The following PCNX2 variants were observed in gnomAD, a reference collection of about 807,000 sequenced individuals.
PCNX2 encodes pecanex-like protein 2.
A neutral mutation model predicts 223.8 loss-of-function variants in PCNX2; 168 were observed. The observed-to-expected ratio is 0.75, with a 90% CI of 0.66 to 0.85. The LOEUF (loss-of-function observed/expected upper bound fraction) is 0.85, where lower values mean the gene tolerates loss of function less well. Ranked by LOEUF, PCNX2 falls within the 40% of genes least tolerant of loss-of-function variation. The probability of loss-of-function intolerance (pLI) is 0.00; values close to 1 mark genes in which losing one functional copy is unlikely to be tolerated. For synonymous variants in PCNX2, 1,006 were observed against 1,052.6 expected, an observed-to-expected ratio of 0.96 and a Z score of 0.86; for missense variants, 2,507 against 2,675.5, an observed-to-expected ratio of 0.94 and a Z score of 1.39.
At chr1:233,112,951 G>A in intron 21 of PCNX2, 1 of 1,289,330 alleles carries the variant, frequency 7.8e-7, no homozygotes, top group Non-Finnish European at 1.0e-6. Context: ...CATCCTCTTT[G>A]TGTGTGGGTG....
intron 1 of PCNX2, among the ~76,000 whole-genome samples, chr1:233,285,995 G>A (rs1246485018): frequency 6.6e-6 from 1 of 152,172 alleles, no homozygotes; most frequent in Admixed American, 6.5e-5. Flanking sequence ...CATTTTTAAT[G>A]AAAGTGTTGA....
In PCNX2 at chr1:233,252,808, T is replaced by C; in HGVS notation, c.1835-20A>G. On this transcript the variant is annotated intron_variant, in intron 5 of 33. Coordinates refer to ENST00000258229, the MANE Select transcript of PCNX2 (RefSeq NM_014801.4). ...AGTTATCTGAAAAACATTGCTTTAC[T>C]TGTTAATTTAATATAAAATAAATCA... The C allele has an allele frequency of 1.3e-6, 2 of 1,564,956 alleles. No individual in the cohort carries two copies. Among genetic ancestry groups the C allele is most frequent in the Non-Finnish European group, 1.7e-6 (2 of 1,159,666 alleles).
chr1:233,208,725 T>A (rs776843531), intron 12 of PCNX2, 36 bp from the exon 13 acceptor site: 5 of 1,572,026 alleles, frequency 3.2e-6, no homozygotes, highest in Non-Finnish European at 3.5e-6. Flanking sequence ...TGGTACCTCT[T>A]ATTTTGATTA....
intron 26 of PCNX2, among the ~76,000 whole-genome samples, chr1:233,024,067 A>G (rs567817176): frequency 1.6e-3 from 236 of 152,198 alleles, no homozygotes; most frequent in African/African-American, 5.4e-3. Flanking sequence ...TATGAACCCC[A>G]TATCTAGCTA....
At chr1:233,247,877 CAAA>C (rs57333423) in intron 8 of PCNX2, among the ~76,000 whole-genome samples, 1 of 119,676 alleles carries the variant, frequency 8.4e-6, no homozygotes. Flanking sequence ...AACTCCGTCT[CAAA>C]AAAAAAAAAA....
intron 19 of PCNX2, among the ~76,000 whole-genome samples, chr1:233,143,501 T>C (rs1460456088): frequency 1.3e-5 from 2 of 152,188 alleles, no homozygotes; most frequent in Middle Eastern, 6.3e-3. Context: ...TAGGAATTTG[T>C]TACAAATGTA....
intron 26 of PCNX2, among the ~76,000 whole-genome samples, chr1:233,022,057 C>G (rs904197662): frequency 5.9e-5 from 9 of 152,182 alleles, no homozygotes; most frequent in African/African-American, 2.2e-4. Context: ...CCTCCCTTCT[C>G]TCCCACTCAC....
Position 233,218,106 on chromosome 1 carries a change from G to C in PCNX2, c.2583C>G (p.Ser861Arg), listed in dbSNP as rs376297148. The C allele has an allele frequency of 1.4e-5, 22 of 1,562,044 alleles. No individual in the cohort carries two copies. The highest frequency in any genetic ancestry group is 1.8e-5 in the Non-Finnish European group (21 of 1,153,780). The change falls in exon 11 of 34, where the codon AGC (serine) becomes AGG (arginine). Residue 861 changes from serine to arginine, a missense_variant. Around this residue, in one of 3 missense-constraint regions of PCNX2, gnomAD observed 104 missense variants for 144.4 expected, o/e 0.72. Coordinates refer to ENST00000258229, the MANE Select transcript of PCNX2 (RefSeq NM_014801.4). ...LVSLLGFLTL[S>R]QGFCKDMWVL... ...CCCACATATCTTTGCAAAAGCCTTG[G>C]CTCAAGGTCAGAAATCCAAGGAGGG...
intron 1 of PCNX2, among the ~76,000 whole-genome samples, chr1:233,275,591 A>G (rs78426439): frequency 2.6e-5 from 4 of 152,242 alleles, no homozygotes; most frequent in African/African-American, 9.6e-5. Flanking sequence ...GTATTTACAC[A>G]AAACAGTGTG....
intron 12 of PCNX2, among the ~76,000 whole-genome samples, chr1:233,211,398 A>T (rs1681809576): frequency 6.6e-6 from 1 of 151,648 alleles, no homozygotes; most frequent in Admixed American, 6.6e-5. Flanking sequence ...TGGCATGATC[A>T]TAGCTCACTG....
At chr1:233,010,245 G>A (rs927217858) in intron 28 of PCNX2, among the ~76,000 whole-genome samples, 2 of 152,304 alleles carry the variant, frequency 1.3e-5, no homozygotes, top group South Asian at 2.1e-4. Flanking sequence ...TCCTCAACAC[G>A]CTGTGGGTGG....
At chr1:233,040,012 C>T (rs537486418) in intron 25 of PCNX2, among the ~76,000 whole-genome samples, 13 of 152,244 alleles carry the variant, frequency 8.5e-5, no homozygotes, top group Middle Eastern at 3.4e-3. Context: ...TGCCGTATCA[C>T]GTATCACAAG....
intron 9 of PCNX2, among the ~76,000 whole-genome samples, chr1:233,235,122 A>T (rs1201962802): frequency 6.6e-6 from 1 of 152,062 alleles, no homozygotes; most frequent in African/African-American, 2.4e-5. Flanking sequence ...CAGGTTTAGG[A>T]ATCCTATCCC....
chr1:233,237,334 T>G (rs1400249857), intron 8 of PCNX2, among the ~76,000 whole-genome samples: 1 of 152,054 alleles, frequency 6.6e-6, no homozygotes, highest in Non-Finnish European at 1.5e-5. Context: ...TAAAAACAAA[T>G]AGTGGGCTTG....
At chr1:233,248,577 T>A (rs987472427) in intron 8 of PCNX2, among the ~76,000 whole-genome samples, 7 of 152,028 alleles carry the variant, frequency 4.6e-5, no homozygotes, top group Non-Finnish European at 8.8e-5. Context: ...TAGGCCCCAA[T>A]GACTCAATCT....
intron 21 of PCNX2, among the ~76,000 whole-genome samples, chr1:233,100,198 A>C (rs1029593755): frequency 1.3e-5 from 2 of 152,198 alleles, no homozygotes; most frequent in Admixed American, 6.5e-5. Context: ...AGATCACCAG[A>C]GGTCAGGAGT....
At chr1:233,279,927 T>C (rs1661103550) in intron 1 of PCNX2, among the ~76,000 whole-genome samples, 1 of 152,232 alleles carries the variant, frequency 6.6e-6, no homozygotes, top group Non-Finnish European at 1.5e-5. Context: ...TCACCTGTTC[T>C]TTACCTCCTT....
the PCNX2 span, among the ~76,000 whole-genome samples, chr1:233,315,816 T>TA: frequency 1.4e-4 from 21 of 151,278 alleles, no homozygotes; most frequent in East Asian, 7.8e-4. Flanking sequence ...AACCTTTTTT[T>TA]AAAAAAAAAA....
chr1:233,259,112 C>G lies in PCNX2; in HGVS notation c.750G>C (p.Lys250Asn). Residue 250 changes from lysine (K) to asparagine (N), a missense_variant, in exon 5 of 34, where the codon AAG (lysine) becomes AAC (asparagine). Lys to Asn is a moderately conservative substitution (Grantham distance 94). Around this residue, in one of 3 missense-constraint regions of PCNX2, gnomAD observed 1,031 missense variants for 1,021.7 expected, o/e 1.01. Transcript: ENST00000258229. ...RHRSEGGLVDKGPLKKLPHLS... is the reference protein window; with the variant it reads ...RHRSEGGLVDNGPLKKLPHLS... ...GGTGGGGCAACTTCTTCAAGGGTCC[C>G]TTATCCACTAAGCCACCCTCGGATC... 3 of 1,614,020 alleles carry G rather than the reference C, an allele frequency of 1.9e-6. No individual in the cohort carries two copies. Among genetic ancestry groups the G allele is most frequent in the Non-Finnish European group, 2.5e-6 (3 of 1,179,890 alleles).
Sources: gnomAD v4.1 joint callset for allele counts (sites outside exome capture counted in the v4.1 genomes callset) on GRCh38, gnomAD v4.1.1 for gene constraint, gnomAD v4.1.1 regional missense constraint, MANE v1.5 for transcripts, NCBI Gene and HGNC (gene_info 2026-07-23, HGNC 2026-07-21) for gene names.